The following HEXB variants were observed in gnomAD, a reference collection of about 807,000 sequenced individuals.
The protein encoded by HEXB is beta-hexosaminidase subunit beta.
A neutral mutation model predicts 71.2 loss-of-function variants in HEXB; 51 were observed. The ratio of observed to expected loss-of-function variants is 0.72; its 90% confidence interval spans 0.57 to 0.90. HEXB has a LOEUF of 0.90. Among genes scored for constraint, HEXB ranks in the 40% least tolerant of loss-of-function variants. HEXB has a pLI of 0.00. For missense variants in HEXB, 617 were observed against 677.0 expected, an observed-to-expected ratio of 0.91 and a Z score of 0.98; for synonymous variants, 266 against 249.3, an observed-to-expected ratio of 1.07 and a Z score of -0.63.
intron 1 of HEXB, among the ~76,000 whole-genome samples, chr5:74,678,333 A>G (rs1748674146): frequency 6.6e-6 from 1 of 150,420 alleles, no homozygotes; most frequent in African/African-American, 2.5e-5. Flanking sequence ...ATAAATAAAT[A>G]AATAAATACC....
Position 74,720,569 on chromosome 5 carries a change from TTC to T in HEXB, c.1508+55_1508+56del, listed in dbSNP as rs534109955. On this transcript the variant is annotated intron_variant, in intron 12 of 13. Coordinates refer to ENST00000261416, the MANE Select transcript of HEXB (RefSeq NM_000521.4). ...AAGAATTAAGGTGCCTTAGCTTTCC[TTC>T]TCTGTCTAAACACAAAAGTGCTAAA... The T allele has an allele frequency of 5.5e-4, 882 of 1,594,188 alleles. 3 individuals carry two copies. The highest frequency in any genetic ancestry group is 3.6e-3 in the South Asian group (323 of 90,712).
chr5:74,694,751 G>A (rs1180209367), intron 3 of HEXB, among the ~76,000 whole-genome samples: 1 of 152,020 alleles, frequency 6.6e-6, no homozygotes, highest in Non-Finnish European at 1.5e-5. Context: ...GATCACTTGA[G>A]GTCAGGAGTT....
Position 74,720,671 on chromosome 5 carries a change from C to G in HEXB, c.1537C>G (p.Leu513Val), listed in dbSNP as rs754815455. 6.2e-7 allele frequency: 1 copy of G among 1,614,158 alleles called. No homozygotes were observed. Among genetic ancestry groups the G allele is most frequent in the Non-Finnish European group, 8.5e-7 (1 of 1,180,016 alleles). ...WPRASAVGER[L>V]WSSKDVRDMD... Reference sequence around the variant, plus strand: ...TCGGGCAAGTGCTGTTGGTGAGAGACTCTGGAGTTCCAAAGATGTCAGAGA... The same window carrying G: ...TCGGGCAAGTGCTGTTGGTGAGAGAGTCTGGAGTTCCAAAGATGTCAGAGA... Residue 513 changes from leucine to valine, a missense_variant, in exon 13 of 14, where the codon CTC (leucine) becomes GTC (valine). Coordinates refer to ENST00000261416, the MANE Select transcript of HEXB (RefSeq NM_000521.4).
At chr5:74,710,838 T>C in intron 6 of HEXB, among the ~76,000 whole-genome samples, 1 of 152,024 alleles carries the variant, frequency 6.6e-6, no homozygotes, top group Non-Finnish European at 1.5e-5. Context: ...AGAATCAATA[T>C]CATGAAAATG....
At chr5:74,701,784 C>G (rs1348134658) in intron 5 of HEXB, among the ~76,000 whole-genome samples, 1 of 151,962 alleles carries the variant, frequency 6.6e-6, no homozygotes, top group African/African-American at 2.4e-5. Context: ...TTCTCCCTCT[C>G]TAAAAATACG....
At chr5:74,661,034 G>T (rs552992769) in intron 1 of HEXB, among the ~76,000 whole-genome samples, 10 of 151,250 alleles carry the variant, frequency 6.6e-5, no homozygotes, top group African/African-American at 2.2e-4. Flanking sequence ...GAGAGAGATA[G>T]AGAGAGAGAG....
At chr5:74,684,598 G>T (rs1189627653), upstream of HEXB, among the ~76,000 whole-genome samples, 1 of 152,076 alleles carries the variant, frequency 6.6e-6, no homozygotes, top group Non-Finnish European at 1.5e-5. Context: ...GAGCGCCCGT[G>T]TTGACAGCGT....
intron 3 of HEXB, 70 bp from the exon 4 acceptor site, chr5:74,696,622 TG>T: frequency 2.4e-6 from 2 of 833,862 alleles, no homozygotes; most frequent in Non-Finnish European, 4.1e-6. Context: ...TGAGTCTGTT[TG>T]AATAATATAA....
chr5:74,653,472 G>A (rs1362708396), intron 1 of HEXB, among the ~76,000 whole-genome samples: 1 of 152,170 alleles, frequency 6.6e-6, no homozygotes, highest in Non-Finnish European at 1.5e-5. Flanking sequence ...TGAAACCATT[G>A]GGTCAGCAAG....
chr5:74,707,002 G>C (rs112153646), intron 6 of HEXB, among the ~76,000 whole-genome samples: 1,457 of 125,530 alleles, frequency 0.012, no homozygotes, highest in Non-Finnish European at 0.012. Context: ...TCCTCAAGTG[G>C]GTCCCTGATC....
At chr5:74,693,476 C>A (rs1749045654) in intron 2 of HEXB, 163 bp from the exon 3 acceptor site, 3 of 685,672 alleles carry the variant, frequency 4.4e-6, no homozygotes, top group African/African-American at 3.5e-5. Context: ...AAGGAACCTG[C>A]AGGACATCCA....
chr5:74,674,176 T>C (rs1748588407), intron 1 of HEXB, among the ~76,000 whole-genome samples: 1 of 152,226 alleles, frequency 6.6e-6, no homozygotes, highest in Non-Finnish European at 1.5e-5. Context: ...ATGTTTCTTT[T>C]TGAGAAGGGT....
At chr5:74,708,589 G>A (rs561701391) in intron 6 of HEXB, among the ~76,000 whole-genome samples, 62 of 152,280 alleles carry the variant, frequency 4.1e-4, no homozygotes, top group African/African-American at 1.4e-3. Flanking sequence ...TAAAAGGATG[G>A]AGGAAGATCT....
intron 6 of HEXB, 68 bp from the exon 7 acceptor site, chr5:74,713,438 A>C: frequency 6.7e-7 from 1 of 1,488,002 alleles, no homozygotes; most frequent in Middle Eastern, 1.7e-4. Flanking sequence ...TGCAAGCACA[A>C]TTGTTAACAA....
upstream of HEXB, among the ~76,000 whole-genome samples, chr5:74,683,822 T>TTTC (rs200641711): frequency 0.13 from 5,248 of 41,272 alleles, 309 homozygotes; most frequent in African/African-American, 0.25. Context: ...CTTTTCTTTC[T>TTTC]TTTTTTTTTT....
chr5:74,664,458 G>C (rs905731800), intron 1 of HEXB, among the ~76,000 whole-genome samples: 1 of 111,410 alleles, frequency 9.0e-6, no homozygotes, highest in Non-Finnish European at 2.0e-5. Flanking sequence ...AAAAAACAGA[G>C]AGAGAGAGAA....
At chr5:74,708,978 A>G (rs951090395) in intron 6 of HEXB, among the ~76,000 whole-genome samples, 3 of 152,302 alleles carry the variant, frequency 2.0e-5, no homozygotes, top group African/African-American at 7.2e-5. Flanking sequence ...CCCCAAATCA[A>G]CAGAAGATAC....
chr5:74,643,924 C>A (rs894524617), intron 1 of HEXB, among the ~76,000 whole-genome samples: 2 of 152,208 alleles, frequency 1.3e-5, no homozygotes, highest in African/African-American at 2.4e-5. Context: ...CTTTCTGAAT[C>A]TGTGCAAGGA....
At chr5:74,688,881 GT>G (rs111647801) in intron 1 of HEXB, among the ~76,000 whole-genome samples, 244 of 152,264 alleles carry the variant, frequency 1.6e-3, no homozygotes, top group African/African-American at 5.1e-3. Flanking sequence ...TCTCTGCTCT[GT>G]CCACTTTAGT....
Sources: allele counts gnomAD v4.1 joint callset (sites outside exome capture counted in the v4.1 genomes callset), GRCh38; gene constraint gnomAD v4.1.1; transcripts MANE v1.5; gene names NCBI Gene and HGNC (gene_info 2026-07-23, HGNC 2026-07-21).